Variants in GLI2 observed in about 807,000 individuals in gnomAD.
The protein encoded by GLI2 is GLI family zinc finger 2.
GLI2 carries 22 observed loss-of-function variants against 78.9 expected under a neutral mutation model. That is an observed-to-expected ratio of 0.28 (90% confidence interval 0.20 to 0.40). The LOEUF (loss-of-function observed/expected upper bound fraction) is 0.40, where lower values mean the gene tolerates loss of function less well. GLI2 is among the 10% of genes least tolerant of loss of function. The probability of loss-of-function intolerance (pLI) is 1.00; values close to 1 mark genes in which losing one functional copy is unlikely to be tolerated. For synonymous variants in GLI2, 974 were observed against 963.7 expected (o/e 1.01, Z -0.20); for missense variants, 2,097 against 2,213.2 (o/e 0.95, Z 1.05).
chr2:120,910,689 T>G (rs1678773098), intron 2 of GLI2, among the ~76,000 whole-genome samples: 1 of 152,138 alleles, frequency 6.6e-6, no homozygotes, highest in African/African-American at 2.4e-5. Flanking sequence ...TTAACGCCAG[T>G]CAGAATGTTT....
At chr2:120,748,126 T>A (rs190899540) in intron 1 of GLI2, among the ~76,000 whole-genome samples, 1 of 152,184 alleles carries the variant, frequency 6.6e-6, no homozygotes, top group Non-Finnish European at 1.5e-5. Context: ...AAAGGCATGA[T>A]CTGGAAAGGC....
intron 1 of GLI2, among the ~76,000 whole-genome samples, chr2:120,793,622 G>A (rs1262632930): frequency 6.6e-6 from 1 of 152,190 alleles, no homozygotes; most frequent in Non-Finnish European, 1.5e-5. Flanking sequence ...TCTCCGGGAA[G>A]TGGTGGGAAG....
rs1400591884 is a variant in GLI2 at position 120,800,160 on chromosome 2, G to A, written c.148+2692G>A. Reference sequence around the variant, plus strand: ...GGGTGAGGAGGGGCCGTGAGGGACTGTACCAAGCCTGGGAGAGGGACAGTG... The same window carrying A: ...GGGTGAGGAGGGGCCGTGAGGGACTATACCAAGCCTGGGAGAGGGACAGTG... On this transcript the variant is annotated intron_variant, in intron 2 of 13. Coordinates refer to ENST00000361492, the MANE Select transcript of GLI2 (RefSeq NM_001374353.1). The surrounding 1 kb of genome is among the most constrained non-coding windows in gnomAD (Gnocchi z 4.1). 6.6e-6 allele frequency among the ~76,000 whole-genome samples: 1 copy of A among 152,214 alleles called. No individual in the cohort carries two copies. The highest frequency in any genetic ancestry group is 2.4e-5 in the African/African-American group (1 of 41,438).
intron 2 of GLI2, among the ~76,000 whole-genome samples, chr2:120,857,343 G>GCCCACCCCCCCACCGA (rs1687695773): frequency 4.0e-5 from 4 of 99,632 alleles, no homozygotes; most frequent in African/African-American, 1.3e-4. Flanking sequence ...CTACCCATCT[G>GCCCACCCCCCCACCGA]CCCACCCACC....
rs1031790969 is a variant in GLI2 at position 120,990,970 on chromosome 2, C to T, written c.*295C>T. 11 of 384,782 alleles carry T rather than the reference C, an allele frequency of 2.9e-5. No individual in the cohort carries two copies. The Admixed American group carries it at 4.2e-4, about 15-fold the overall frequency. The allele number at this position is 384,782 out of a possible 1,614,324, so 23.8% of individuals were successfully genotyped here. ...TGCTTACAGGACCGCGCTGTTCCGG[C>T]TTCTTCACGGCTGACATTCGGCTAA... On this transcript the variant is annotated 3_prime_UTR_variant, in exon 14 of 14. Transcript: ENST00000361492.
intron 6 of GLI2, among the ~76,000 whole-genome samples, chr2:120,969,638 G>A (rs746557414): frequency 3.3e-5 from 5 of 152,226 alleles, no homozygotes; most frequent in Admixed American, 6.5e-5. Context: ...GCTGAGCTCC[G>A]GCTCTCTCAG....
chr2:120,942,120 C>T (rs904797488), intron 3 of GLI2, among the ~76,000 whole-genome samples: 2 of 152,180 alleles, frequency 1.3e-5, no homozygotes, highest in African/African-American at 2.4e-5. Context: ...ATGTCTGCCA[C>T]CTCCCTAGGG....
At chr2:120,741,144 C>T (rs1020240190) in intron 1 of GLI2, among the ~76,000 whole-genome samples, 4 of 152,208 alleles carry the variant, frequency 2.6e-5, no homozygotes, top group African/African-American at 7.2e-5. Flanking sequence ...GCTGGGCCTT[C>T]CCTGGGACAC....
chr2:120,853,722 C>T (rs1193217352), intron 2 of GLI2, among the ~76,000 whole-genome samples: 2 of 152,186 alleles, frequency 1.3e-5, no homozygotes, highest in Admixed American at 6.5e-5. Flanking sequence ...TTCTGTATGA[C>T]ATGTGTTGAG....
intron 6 of GLI2, among the ~76,000 whole-genome samples, chr2:120,969,496 C>T (rs1392150522): frequency 1.3e-5 from 2 of 152,250 alleles, no homozygotes; most frequent in Non-Finnish European, 2.9e-5. Flanking sequence ...TCCCAACGAC[C>T]TGGAGATGGA....
At chr2:120,942,553 C>T (rs1387289014) in intron 3 of GLI2, among the ~76,000 whole-genome samples, 3 of 152,240 alleles carry the variant, frequency 2.0e-5, no homozygotes, top group African/African-American at 7.2e-5. Flanking sequence ...TGTCAAATCC[C>T]TTTTCCCAGT....
At chr2:120,788,965 C>T (rs563273421) in intron 1 of GLI2, among the ~76,000 whole-genome samples, 1 of 152,240 alleles carries the variant, frequency 6.6e-6, no homozygotes, top group East Asian at 1.9e-4. Flanking sequence ...CCTAGCCTGC[C>T]CTCCCCAGAT....
At chr2:120,945,112 G>A (rs1240882031) in intron 3 of GLI2, among the ~76,000 whole-genome samples, 7 of 152,212 alleles carry the variant, frequency 4.6e-5, no homozygotes, top group Non-Finnish European at 7.3e-5. Flanking sequence ...CTAAGGAGAG[G>A]CCTTTCCTGG....
Position 120,752,438 on chromosome 2 carries a change from T to G in GLI2, c.-31+16153T>G, listed in dbSNP as rs561326670. Among the ~76,000 whole-genome samples, 5 of 152,216 alleles carry G rather than the reference T, an allele frequency of 3.3e-5. No individual in the cohort carries two copies. The South Asian group carries it at 1.0e-3, about 32-fold the overall frequency. ...GCATCTGCCACGATGCTCGGCTAACTTTTTGTATTTTTAGTAGAGATGGGC... is the reference window on the plus strand; with the variant it reads ...GCATCTGCCACGATGCTCGGCTAACGTTTTGTATTTTTAGTAGAGATGGGC... On this transcript the variant is annotated intron_variant, in intron 1 of 13. Transcript: ENST00000361492.
At chr2:120,927,598 G>T in intron 3 of GLI2, 132 bp downstream of exon 3, 3 of 751,786 alleles carry the variant, frequency 4.0e-6, no homozygotes, top group Non-Finnish European at 4.8e-6. Context: ...TGTCCTGAGC[G>T]GGCGATCACC....
intron 2 of GLI2, among the ~76,000 whole-genome samples, chr2:120,909,725 A>T (rs1209457): frequency 6.6e-6 from 1 of 151,698 alleles, no homozygotes; most frequent in African/African-American, 2.4e-5. Context: ...ATTAGCCGGG[A>T]GTGGTGGTGG....
At chr2:120,932,867 T>C (rs1239069922) in intron 3 of GLI2, among the ~76,000 whole-genome samples, 1 of 152,102 alleles carries the variant, frequency 6.6e-6, no homozygotes, top group Non-Finnish European at 1.5e-5. Flanking sequence ...CTGGGGACTG[T>C]GGCACAGAAG....
intron 11 of GLI2, among the ~76,000 whole-genome samples, chr2:120,983,532 T>G (rs930428179): frequency 7.2e-5 from 11 of 152,240 alleles, no homozygotes; most frequent in African/African-American, 2.7e-4. Context: ...GCCTGTTGGC[T>G]TGGGCAGCCA....
At chr2:120,953,714 G>C (rs1681102633) in intron 4 of GLI2, among the ~76,000 whole-genome samples, 1 of 152,200 alleles carries the variant, frequency 6.6e-6, no homozygotes, top group South Asian at 2.1e-4. Flanking sequence ...GGTGGGCTGG[G>C]CACAGTGGCT....
Sources: gnomAD v4.1 joint callset for allele counts (sites outside exome capture counted in the v4.1 genomes callset) on GRCh38, gnomAD v4.1.1 for gene constraint, Gnocchi (gnomAD v3.1) non-coding constraint, MANE v1.5 for transcripts, NCBI Gene and HGNC (gene_info 2026-07-23, HGNC 2026-07-21) for gene names.